Variants in PCSK2 observed in about 807,000 individuals in gnomAD.
PCSK2 encodes the protein proprotein convertase subtilisin/kexin type 2, also known as neuroendocrine convertase 2.
A neutral mutation model predicts 69.7 loss-of-function variants in PCSK2; 14 were observed. That is an observed-to-expected ratio of 0.20 (90% CI 0.13 to 0.31). The LOEUF is 0.31. PCSK2 is among the 10% of genes least tolerant of loss of function. The probability of loss-of-function intolerance (pLI) is 1.00; values close to 1 mark genes in which losing one functional copy is unlikely to be tolerated. For synonymous variants in PCSK2, 307 were observed against 320.7 expected (o/e 0.96, Z 0.46); for missense variants, 544 against 842.5 (o/e 0.65, Z 4.39).
chr20:17,336,532 T>G (rs1361223536), intron 2 of PCSK2, among the ~76,000 whole-genome samples: 2 of 152,192 alleles, frequency 1.3e-5, no homozygotes, highest in East Asian at 3.9e-4. Flanking sequence ...GCTTACCAGG[T>G]GCTGAGCAAA....
At chr20:17,307,927 T>C (rs1435696145) in intron 2 of PCSK2, among the ~76,000 whole-genome samples, 1 of 152,154 alleles carries the variant, frequency 6.6e-6, no homozygotes, top group East Asian at 1.9e-4. Context: ...CTTCTGCTTC[T>C]GGGGAGATTT....
chr20:17,290,179 C>G (rs1001263032), intron 2 of PCSK2, among the ~76,000 whole-genome samples: 2 of 152,178 alleles, frequency 1.3e-5, no homozygotes, highest in Non-Finnish European at 2.9e-5. Context: ...GGTGAGAAGA[C>G]AGGTACCTTG....
intron 5 of PCSK2, among the ~76,000 whole-genome samples, chr20:17,401,240 A>G (rs550510091): frequency 6.6e-6 from 1 of 152,240 alleles, no homozygotes; most frequent in African/African-American, 2.4e-5. Flanking sequence ...ATAACAAAAT[A>G]TCTTAGACTG....
chr20:17,449,816 T>C (rs1478961805), intron 8 of PCSK2, among the ~76,000 whole-genome samples: 3 of 150,554 alleles, frequency 2.0e-5, no homozygotes, highest in East Asian at 2.0e-4. Context: ...CGTGAGCCAC[T>C]GCACCTGGCA....
At chr20:17,438,537 A>G (rs2032532238) in intron 8 of PCSK2, among the ~76,000 whole-genome samples, 1 of 152,160 alleles carries the variant, frequency 6.6e-6, no homozygotes, top group African/African-American at 2.4e-5. Flanking sequence ...TATGGAATTA[A>G]TGCAGACACG....
At chr20:17,257,237 A>G (rs1456657964) in intron 1 of PCSK2, among the ~76,000 whole-genome samples, 2 of 152,228 alleles carry the variant, frequency 1.3e-5, no homozygotes, top group Non-Finnish European at 2.9e-5. Flanking sequence ...GTCTCACACC[A>G]GTGAGAACGG....
intron 2 of PCSK2, among the ~76,000 whole-genome samples, chr20:17,352,773 C>A (rs376492021): frequency 6.6e-6 from 1 of 152,154 alleles, no homozygotes; most frequent in South Asian, 2.1e-4. Flanking sequence ...AAATGCCATT[C>A]CAGACATAGG....
At chr20:17,296,261 C>T (rs531820922) in intron 2 of PCSK2, among the ~76,000 whole-genome samples, 2 of 152,272 alleles carry the variant, frequency 1.3e-5, no homozygotes, top group South Asian at 2.1e-4. Context: ...CACAGCTCAG[C>T]GTCTCAAAAA....
chr20:17,272,277 C>G (rs921310701), intron 2 of PCSK2, among the ~76,000 whole-genome samples: 1 of 152,072 alleles, frequency 6.6e-6, no homozygotes, highest in African/African-American at 2.4e-5. Context: ...ATTGCATGCT[C>G]ACTTCCCGTA....
chr20:17,390,216 GAT>G (rs1157640187), intron 5 of PCSK2, among the ~76,000 whole-genome samples: 2 of 152,174 alleles, frequency 1.3e-5, no homozygotes, highest in African/African-American at 4.8e-5. Context: ...CAGATACAGC[GAT>G]AGAGATCAGA....
chr20:17,337,472 T>C (rs1990385804), intron 2 of PCSK2, among the ~76,000 whole-genome samples: 1 of 152,210 alleles, frequency 6.6e-6, no homozygotes, highest in Non-Finnish European at 1.5e-5. Flanking sequence ...AAGATTCATT[T>C]AACCCTCAGC....
intron 2 of PCSK2, among the ~76,000 whole-genome samples, chr20:17,311,001 C>CAAAAA (rs113825389): frequency 1.8e-4 from 20 of 112,462 alleles, no homozygotes; most frequent in African/African-American, 5.3e-4. Context: ...GACTCCGTCT[C>CAAAAA]AAAAAAAAAA....
chr20:17,251,737 T>C (rs1986987952), intron 1 of PCSK2, among the ~76,000 whole-genome samples: 1 of 152,190 alleles, frequency 6.6e-6, no homozygotes, highest in Non-Finnish European at 1.5e-5. Context: ...AGCAATTTTA[T>C]TATACTCATG....
chr20:17,295,501 T>C (rs966050065), intron 2 of PCSK2, among the ~76,000 whole-genome samples: 3 of 147,966 alleles, frequency 2.0e-5, no homozygotes, highest in Non-Finnish European at 4.5e-5. Flanking sequence ...ATTTATTATT[T>C]ATTTATTGTA....
chr20:17,355,650 A>AACACACACACACACAC (rs74179105), intron 2 of PCSK2, among the ~76,000 whole-genome samples: 6 of 148,694 alleles, frequency 4.0e-5, no homozygotes, highest in Non-Finnish European at 7.4e-5. Context: ...TGTGCACGCA[A>AACACACACACACACAC]ACACACACAC....
chr20:17,446,965 C>T (rs960425987), intron 8 of PCSK2, among the ~76,000 whole-genome samples: 4 of 151,886 alleles, frequency 2.6e-5, no homozygotes, highest in Non-Finnish European at 5.9e-5. Flanking sequence ...AAAAGGAATA[C>T]CATGAGGTCA....
At chr20:17,471,849 G>A (rs913733366) in intron 11 of PCSK2, among the ~76,000 whole-genome samples, 6 of 152,216 alleles carry the variant, frequency 3.9e-5, no homozygotes, top group Admixed American at 3.9e-4. Context: ...GAGGAGCGGT[G>A]GGGTACAGGA....
At chr20:17,470,439 G>A (rs1463082805) in intron 11 of PCSK2, among the ~76,000 whole-genome samples, 1 of 152,136 alleles carries the variant, frequency 6.6e-6, no homozygotes, top group Non-Finnish European at 1.5e-5. Context: ...AATGGGAAGT[G>A]GAGATTTAAT....
At chr20:17,250,016 A>G (rs1986915644) in intron 1 of PCSK2, among the ~76,000 whole-genome samples, 1 of 152,224 alleles carries the variant, frequency 6.6e-6, no homozygotes, top group African/African-American at 2.4e-5. Context: ...TTATCACAAT[A>G]AAAACATTAC....
Sources: allele counts gnomAD v4.1 joint callset (sites outside exome capture counted in the v4.1 genomes callset), GRCh38; gene constraint gnomAD v4.1.1; transcripts MANE v1.5; gene names NCBI Gene and HGNC (gene_info 2026-07-23, HGNC 2026-07-21).